The following IRAK3 variants were observed in gnomAD, a reference collection of about 807,000 sequenced individuals.
IRAK3 encodes interleukin-1 receptor-associated kinase 3.
In IRAK3, 57 loss-of-function variants were observed where a neutral mutation model predicts 56.6. That is an observed-to-expected ratio of 1.01 (90% confidence interval 0.81 to 1.26). IRAK3 has a LOEUF of 1.26. IRAK3 is among the 50% of genes most tolerant of loss of function. The pLI is 0.00. For missense variants in IRAK3, 703 were observed against 719.0 expected (o/e 0.98, Z 0.25); for synonymous variants, 258 against 255.7 (o/e 1.01, Z -0.09).
intron 6 of IRAK3, among the ~76,000 whole-genome samples, chr12:66,222,100 G>A (rs751884808): frequency 6.6e-6 from 1 of 152,142 alleles, no homozygotes; most frequent in African/African-American, 2.4e-5. Flanking sequence ...GAGGATTTTT[G>A]TATCTATGGC....
Position 66,226,803 on chromosome 12 carries a change from G to T in IRAK3, c.734G>T (p.Arg245Ile), listed in dbSNP as rs143945987. ...EKFCLIYPYM[R>I]NGTLFDRLQC... ...TTCTGTCTGATTTATCCATACATGA[G>T]AAATGGAACACTTTTTGACAGATTG... The change falls in exon 7 of 12, where the codon AGA becomes ATA. Residue 245 changes from arginine to isoleucine, a missense_variant. Coordinates refer to ENST00000261233, the MANE Select transcript of IRAK3 (RefSeq NM_007199.3). The T allele has an allele frequency of 6.2e-7, 1 of 1,602,980 alleles. No homozygotes were observed. Among genetic ancestry groups the T allele is most frequent in the South Asian group, 1.1e-5 (1 of 90,850 alleles).
chr12:66,244,559 C>A lies in IRAK3; in HGVS notation c.961C>A (p.Leu321Ile), dbSNP rs779602618. 6.2e-7 allele frequency: 1 copy of A among 1,614,012 alleles called. No homozygotes were observed. Among genetic ancestry groups the A allele is most frequent in the Admixed American group, 1.7e-5 (1 of 60,030 alleles). ...DFAMAHFRSH[L>I]EHQSCTINMT... is the part of the protein sequence containing the mutation. ...TGCCATGGCACACTTCCGGTCCCAC[C>A]TAGAACATCAGAGTTGTACCATAAA... is the stretch of plus-strand genomic sequence containing the variant. The change falls in exon 9 of 12, where the codon CTA (leucine) becomes ATA (isoleucine). Residue 321 changes from leucine to isoleucine, a missense_variant. By Grantham distance (5) the Leu-to-Ile change is conservative (BLOSUM62 2). Transcript: ENST00000261233.
intron 8 of IRAK3, chr12:66,234,752 C>T (rs1279315786): frequency 1.3e-6 from 2 of 1,593,916 alleles, no homozygotes; most frequent in African/African-American, 1.3e-5. Context: ...GCCAACACCA[C>T]GACTTGTACC....
In IRAK3 at chr12:66,189,331, T is replaced by C. The variant is rs1174586608; in HGVS notation, c.32T>C (p.Leu11Pro). The C allele has an allele frequency of 1.3e-6, 2 of 1,533,032 alleles. No individual in the cohort carries two copies. Among genetic ancestry groups the C allele is most frequent in the Non-Finnish European group, 1.7e-6 (2 of 1,145,918 alleles). The allele number at this position is 1,533,032 out of a possible 1,614,324, so 95.0% of individuals were successfully genotyped here. Residue 11 changes from leucine to proline, a missense_variant, in exon 1 of 12, where the codon CTG (leucine) becomes CCG (proline). Coordinates refer to ENST00000261233, the MANE Select transcript of IRAK3 (RefSeq NM_007199.3). MAGNCGARGA[L>P]SAHTLLFDLP... ...GGGAACTGTGGGGCCCGCGGCGCGC[T>C]GTCGGCGCACACGCTGCTGTTCGAC...
chr12:66,200,307 G>A (rs2052494613), intron 1 of IRAK3, among the ~76,000 whole-genome samples: 2 of 152,264 alleles, frequency 1.3e-5, no homozygotes, highest in South Asian at 4.1e-4. Context: ...TTGCTCCCAG[G>A]AAGAACACTG....
intron 7 of IRAK3, among the ~76,000 whole-genome samples, chr12:66,227,760 T>G (rs572912439): frequency 2.2e-3 from 163 of 75,634 alleles, no homozygotes; most frequent in Middle Eastern, 6.7e-3. Flanking sequence ...AGACCTTGTC[T>G]CAAAAAAAAA....
chr12:66,196,827 T>C, intron 1 of IRAK3: 1 of 1,439,446 alleles, frequency 6.9e-7, no homozygotes, highest in South Asian at 1.4e-5. Context: ...AATTGTCTAA[T>C]TTTTTGCATG....
chr12:66,236,249 A>G (rs765394904), intron 8 of IRAK3, among the ~76,000 whole-genome samples: 3 of 152,054 alleles, frequency 2.0e-5, no homozygotes, highest in Non-Finnish European at 4.4e-5. Flanking sequence ...TGGGAAGACC[A>G]CCAGAAATCT....
chr12:66,246,047 T>C lies in IRAK3; in HGVS notation c.1314+785T>C, dbSNP rs73327347. Among the ~76,000 whole-genome samples the C allele has an allele frequency of 8.3e-3, 1,111 of 133,096 alleles. 8 individuals carry two copies. The highest frequency in any genetic ancestry group is 0.027 in the African/African-American group (1,064 of 38,878). The allele number at this position is 133,096 out of a possible 152,430, so 87.3% of individuals were successfully genotyped here. A position where few individuals can be genotyped will look rare whatever the true frequency, so the allele number is the denominator to read the frequency against. On this transcript the variant is annotated intron_variant, in intron 11 of 11. Transcript: ENST00000261233. The stretch of plus-strand genomic sequence containing the variant: ...TTAAGAGGAGTCAGATCAGTAAACA[T>C]AGAATGTTGGTCCAGCAAGAGAAAC...
intron 8 of IRAK3, among the ~76,000 whole-genome samples, chr12:66,236,832 T>A (rs2052913536): frequency 6.6e-6 from 1 of 152,190 alleles, no homozygotes; most frequent in African/African-American, 2.4e-5. Flanking sequence ...TTTACCCTGA[T>A]CAGCTTCCAA....
Position 66,248,122 on chromosome 12 carries a change from G to A in IRAK3, c.1742G>A (p.Cys581Tyr). Residue 581 changes from cysteine to tyrosine, a missense_variant, in exon 12 of 12, where the codon TGT becomes TAT. Coordinates refer to ENST00000261233, the MANE Select transcript of IRAK3 (RefSeq NM_007199.3). Reference sequence around the variant, plus strand: ...AGGAGCAGGCCAGTGGAGAGCAGCTGTTCCTCCAAATTTTCCTGGGATGAA... The same window carrying A: ...AGGAGCAGGCCAGTGGAGAGCAGCTATTCCTCCAAATTTTCCTGGGATGAA... ...SCRSRPVESS[C>Y]SSKFSWDEYE... 6.2e-7 allele frequency: 1 copy of A among 1,612,170 alleles called. No individual in the cohort carries two copies. Among genetic ancestry groups the A allele is most frequent in the East Asian group, 2.2e-5 (1 of 44,876 alleles).
chr12:66,215,204 G>C (rs976458431), intron 5 of IRAK3, among the ~76,000 whole-genome samples: 2 of 152,018 alleles, frequency 1.3e-5, no homozygotes, highest in Non-Finnish European at 2.9e-5. Flanking sequence ...GCCCCAATTC[G>C]TACATTGTCT....
chr12:66,218,571 T>C (rs114162977), intron 6 of IRAK3, among the ~76,000 whole-genome samples: 2,822 of 152,300 alleles, frequency 0.019, 30 homozygotes, highest in Middle Eastern at 0.048. Context: ...GTATTTATTC[T>C]TACCTCTTAA....
chr12:66,195,650 C>A (rs549873574), intron 1 of IRAK3, among the ~76,000 whole-genome samples: 1 of 152,116 alleles, frequency 6.6e-6, no homozygotes, highest in South Asian at 2.1e-4. Flanking sequence ...CTACTCTGAC[C>A]ACTCTTTTGT....
intron 2 of IRAK3, among the ~76,000 whole-genome samples, chr12:66,206,609 G>C (rs2052560417): frequency 6.6e-6 from 1 of 152,134 alleles, no homozygotes; most frequent in African/African-American, 2.4e-5. Flanking sequence ...CATGCTTCTG[G>C]ATTCAGTTTG....
chr12:66,220,028 G>T (rs550334403), intron 6 of IRAK3, among the ~76,000 whole-genome samples: 2 of 152,014 alleles, frequency 1.3e-5, no homozygotes, highest in Non-Finnish European at 2.9e-5. Context: ...TGTTTCCTTT[G>T]TTGTGCAGAA....
Position 66,253,795 on chromosome 12 carries a change from G to T in IRAK3, c.*5624G>T, listed in dbSNP as rs577578480. 6.6e-6 allele frequency: 1 copy of T among 151,812 alleles called. No homozygotes were observed. Among genetic ancestry groups the T allele is most frequent in the African/African-American group, 2.4e-5 (1 of 41,380 alleles). 9.4% of individuals were successfully genotyped at this position (151,812 alleles called of 1,614,324 possible). A position where few individuals can be genotyped will look rare whatever the true frequency, so the allele number is the denominator to read the frequency against. On this transcript the variant is annotated 3_prime_UTR_variant, in exon 12 of 12. Coordinates refer to ENST00000261233, the MANE Select transcript of IRAK3 (RefSeq NM_007199.3). ...TAAGCTTTAAACAACCTATTGAGCC[G>T]GTTTCCATTTCCTTGATCTATTAGA... is the stretch of plus-strand genomic sequence containing the variant.
chr12:66,203,262 A>G (rs565101573), intron 1 of IRAK3, among the ~76,000 whole-genome samples: 2 of 152,332 alleles, frequency 1.3e-5, no homozygotes, highest in East Asian at 3.9e-4. Flanking sequence ...AATGATAAAA[A>G]TAAACATTAT....
At chr12:66,203,355 G>A (rs11465945) in intron 1 of IRAK3, among the ~76,000 whole-genome samples, 659 of 152,204 alleles carry the variant, frequency 4.3e-3, no homozygotes, top group Non-Finnish European at 7.0e-3. Context: ...TGAAAGACAA[G>A]GAAAGACTGA....
Sources: allele counts gnomAD v4.1 joint callset (sites outside exome capture counted in the v4.1 genomes callset), GRCh38; gene constraint gnomAD v4.1.1; transcripts MANE v1.5; gene names NCBI Gene and HGNC (gene_info 2026-07-23, HGNC 2026-07-21).